Variants in ERBB4 observed in about 807,000 individuals in gnomAD.
ERBB4 encodes the protein erb-b2 receptor tyrosine kinase 4.
Under a neutral mutation model 158.0 loss-of-function variants are expected in ERBB4, and 42 were observed. The observed-to-expected ratio is 0.27, with a 90% CI of 0.21 to 0.34. ERBB4 has a LOEUF of 0.34. Ranked by LOEUF, ERBB4 falls within the 10% of genes least tolerant of loss-of-function variation. The probability of loss-of-function intolerance (pLI) is 1.00; values close to 1 mark genes in which losing one functional copy is unlikely to be tolerated. For synonymous variants in ERBB4, 583 were observed against 558.7 expected, an observed-to-expected ratio of 1.04 and a Z score of -0.61; for missense variants, 1,333 against 1,624.1, an observed-to-expected ratio of 0.82 and a Z score of 3.08.
At chr2:211,680,381 T>C (rs190775796) in intron 12 of ERBB4, among the ~76,000 whole-genome samples, 32 of 152,346 alleles carry the variant, frequency 2.1e-4, no homozygotes, top group Admixed American at 2.0e-3. Context: ...ATTTGAGGTA[T>C]TTGAAACACA....
chr2:212,520,830 A>C (rs1692118199), intron 1 of ERBB4, among the ~76,000 whole-genome samples: 1 of 151,994 alleles, frequency 6.6e-6, no homozygotes, highest in Non-Finnish European at 1.5e-5. Context: ...TTTTTTAAGC[A>C]TGTACGGTTT....
chr2:211,624,078 G>A (rs762964358), intron 17 of ERBB4, 34 bp from the exon 18 acceptor site: 2 of 1,613,504 alleles, frequency 1.2e-6, no homozygotes, highest in South Asian at 2.2e-5. Context: ...TATACTTTCA[G>A]TCCGATAGTC....
chr2:212,281,937 C>T (rs77507967), intron 1 of ERBB4, among the ~76,000 whole-genome samples: 36 of 151,746 alleles, frequency 2.4e-4, no homozygotes, highest in African/African-American at 8.0e-4. Context: ...ACTCAATACA[C>T]GATACGTTTA....
At chr2:212,171,113 G>A (rs1207870545) in intron 1 of ERBB4, among the ~76,000 whole-genome samples, 1 of 152,062 alleles carries the variant, frequency 6.6e-6, no homozygotes, top group African/African-American at 2.4e-5. Context: ...CCAATTTCAT[G>A]GAAGCCCACT....
intron 3 of ERBB4, among the ~76,000 whole-genome samples, chr2:211,932,674 T>C (rs1053009098): frequency 5.3e-5 from 8 of 152,016 alleles, no homozygotes; most frequent in Non-Finnish European, 1.2e-4. Context: ...AATTATATAT[T>C]ACCATTGATT....
At chr2:211,810,211 C>A (rs1312479548) in intron 3 of ERBB4, among the ~76,000 whole-genome samples, 3 of 152,128 alleles carry the variant, frequency 2.0e-5, no homozygotes, top group African/African-American at 7.2e-5. Context: ...TAGATCTGCT[C>A]AGTGCAGAGC....
chr2:211,714,590 A>C (rs1469864159), intron 7 of ERBB4, among the ~76,000 whole-genome samples: 1 of 152,220 alleles, frequency 6.6e-6, no homozygotes, highest in Non-Finnish European at 1.5e-5. Flanking sequence ...TTTCATCAGA[A>C]AATCACAACA....
At position 212,472,709 on chromosome 2, in the gene ERBB4, GA is replaced by G. The variant is rs964677105; in HGVS notation, c.82+65739del. On this transcript the variant is annotated intron_variant, in intron 1 of 27. Coordinates refer to ENST00000342788, the MANE Select transcript of ERBB4 (RefSeq NM_005235.3). ...TAAATATAGTAAAAATAAATTACTA[GA>G]AAAAATGTCATGTGTTTGCATGTTA... Among the ~76,000 whole-genome samples, 9 of 151,728 alleles carry G rather than the reference GA, an allele frequency of 5.9e-5. No individual in the cohort carries two copies. The East Asian group carries it at 1.2e-3, about 20-fold the overall frequency.
At chr2:211,712,274 G>T in intron 8 of ERBB4, 98 bp from the exon 9 acceptor site, 2 of 1,177,992 alleles carry the variant, frequency 1.7e-6, no homozygotes, top group Non-Finnish European at 1.2e-6. Flanking sequence ...ATTTTTAATT[G>T]TAACATATAA....
rs139691685 is a variant in ERBB4, at chr2:212,087,662, G to A, written c.234+37090C>T. On this transcript the variant is annotated intron_variant, in intron 2 of 27. Transcript: ENST00000342788. Reference sequence around the variant, plus strand: ...GTTCTAAACAGGAGGCCGGGAGACAGGTTCTCAGTCTTAGATCCGTCTAGA... The same window carrying A: ...GTTCTAAACAGGAGGCCGGGAGACAAGTTCTCAGTCTTAGATCCGTCTAGA... Among the ~76,000 whole-genome samples the A allele has an allele frequency of 1.8e-4, 27 of 152,134 alleles. No individual in the cohort carries two copies. In the East Asian group the frequency reaches 4.6e-3, roughly 26 times the overall value.
Position 212,423,315 on chromosome 2 carries a change from A to G in ERBB4, c.82+115134T>C, listed in dbSNP as rs530143646. Among the ~76,000 whole-genome samples the G allele has an allele frequency of 4.5e-4, 69 of 152,334 alleles. 1 individual carries two copies. Among genetic ancestry groups the G allele is most frequent in the African/African-American group, 1.5e-3 (61 of 41,582 alleles). Reference sequence around the variant, plus strand: ...TGTAACACAGCCACTATCTTTCTAAAAAGTGACAGCAGAAGATGCCAAAAG... The same window carrying G: ...TGTAACACAGCCACTATCTTTCTAAGAAGTGACAGCAGAAGATGCCAAAAG... On this transcript the variant is annotated intron_variant, in intron 1 of 27. Coordinates refer to ENST00000342788, the MANE Select transcript of ERBB4 (RefSeq NM_005235.3).
chr2:212,324,369 C>T (rs1237370655), intron 1 of ERBB4, among the ~76,000 whole-genome samples: 1 of 150,642 alleles, frequency 6.6e-6, no homozygotes, highest in South Asian at 2.1e-4. Flanking sequence ...GTCGGCCTCT[C>T]ACTTTGAAAA....
At chr2:211,496,356 A>G (rs1301959806) in intron 20 of ERBB4, among the ~76,000 whole-genome samples, 1 of 151,886 alleles carries the variant, frequency 6.6e-6, no homozygotes, top group African/African-American at 2.4e-5. Context: ...TTGAGCCTCT[A>G]ATATGTTATG....
intron 1 of ERBB4, among the ~76,000 whole-genome samples, chr2:212,453,252 C>T (rs1168029853): frequency 6.6e-6 from 1 of 152,128 alleles, no homozygotes; most frequent in Non-Finnish European, 1.5e-5. Flanking sequence ...AGACTCTAAC[C>T]CTTGCAAGTC....
chr2:211,565,710 T>C (rs1574762845), intron 19 of ERBB4, among the ~76,000 whole-genome samples: 5 of 152,182 alleles, frequency 3.3e-5, no homozygotes, highest in African/African-American at 1.2e-4. Flanking sequence ...GTATGTGGGC[T>C]TCCCAGATCC....
At chr2:212,270,596 C>G (rs1227564681) in intron 1 of ERBB4, among the ~76,000 whole-genome samples, 1 of 151,794 alleles carries the variant, frequency 6.6e-6, no homozygotes, top group Non-Finnish European at 1.5e-5. Context: ...AGAAACGACA[C>G]TATGCCACTT....
chr2:211,898,924 T>C (rs557260844), intron 3 of ERBB4, among the ~76,000 whole-genome samples: 1 of 152,278 alleles, frequency 6.6e-6, no homozygotes, highest in South Asian at 2.1e-4. Context: ...GCATGGAATC[T>C]TCACACTCAA....
intron 19 of ERBB4, among the ~76,000 whole-genome samples, chr2:211,571,700 T>C (rs908347337): frequency 1.3e-5 from 2 of 152,220 alleles, no homozygotes; most frequent in Non-Finnish European, 1.5e-5. Flanking sequence ...GTCATATTCA[T>C]TGGTTTATCA....
Position 211,599,543 on chromosome 2 carries a change from T to G in ERBB4, c.2301+19634A>C, listed in dbSNP as rs577715933. On this transcript the variant is annotated intron_variant, in intron 19 of 27. Transcript: ENST00000342788. ...TGTGTGTGTGTGTGTGTGTTTCCTG[T>G]CAAGTTAGACAGACTCAGTGTGTTA... is the stretch of plus-strand genomic sequence containing the variant. Among the ~76,000 whole-genome samples, 4 of 10,672 alleles carry G rather than the reference T, an allele frequency of 3.7e-4. No individual in the cohort carries two copies. The South Asian group carries it at 0.011, about 29-fold the overall frequency. 7.0% of individuals were successfully genotyped at this position (10,672 alleles called of 152,430 possible).
Sources: allele counts gnomAD v4.1 joint callset (sites outside exome capture counted in the v4.1 genomes callset), GRCh38; gene constraint gnomAD v4.1.1; transcripts MANE v1.5; gene names NCBI Gene and HGNC (gene_info 2026-07-23, HGNC 2026-07-21).